LRP1B: variants seen among roughly 807,000 people sequenced by gnomAD.
LRP1B encodes low-density lipoprotein receptor-related protein 1B.
In LRP1B, 217 loss-of-function variants were observed where a neutral mutation model predicts 556.6. The ratio of observed to expected loss-of-function variants is 0.39; its 90% CI spans 0.35 to 0.44. The LOEUF (loss-of-function observed/expected upper bound fraction) is 0.44. LRP1B is among the 20% of genes least tolerant of loss of function. LRP1B has a pLI of 1.00. For missense variants in LRP1B, 5,053 were observed against 5,620.8 expected, an observed-to-expected ratio of 0.90 and a Z score of 3.23; for synonymous variants, 2,047 against 1,865.8, an observed-to-expected ratio of 1.10 and a Z score of -2.50.
At chr2:140,954,853 T>C (rs545749646) in intron 18 of LRP1B, among the ~76,000 whole-genome samples, 1 of 151,988 alleles carries the variant, frequency 6.6e-6, no homozygotes, top group South Asian at 2.1e-4. Flanking sequence ...ATAGTCCAAC[T>C]TAGCTTATGG....
chr2:140,260,691 C>T (rs892357893), intron 86 of LRP1B, among the ~76,000 whole-genome samples: 3 of 151,678 alleles, frequency 2.0e-5, no homozygotes, highest in Admixed American at 6.6e-5. Context: ...ATGGCCCATT[C>T]CCACATTTAC....
intron 2 of LRP1B, among the ~76,000 whole-genome samples, chr2:141,732,953 T>G (rs1175800397): frequency 1.3e-5 from 2 of 152,062 alleles, no homozygotes. Flanking sequence ...ACTGATCACA[T>G]ACTATTCAAA....
At chr2:141,230,667 T>A (rs1683426291) in intron 5 of LRP1B, among the ~76,000 whole-genome samples, 1 of 152,208 alleles carries the variant, frequency 6.6e-6, no homozygotes, top group African/African-American at 2.4e-5. Context: ...CACACTGCAC[T>A]TCTTACTGTT....
intron 59 of LRP1B, 139 bp from the exon 60 acceptor site, chr2:140,475,476 T>TCCCAGCAC: frequency 1.8e-6 from 1 of 552,890 alleles, no homozygotes; most frequent in Non-Finnish European, 3.1e-6. Flanking sequence ...GAAACATCCT[T>TCCCAGCAC]TGATGCAAAA....
At position 141,639,424 on chromosome 2, in the gene LRP1B, T is replaced by TATATA. The variant is rs1335629124; in HGVS notation, c.206-158892_206-158891insTATAT. Among the ~76,000 whole-genome samples the TATATA allele has an allele frequency of 6.7e-5, 8 of 120,086 alleles. 1 individual carries two copies. Among genetic ancestry groups the TATATA allele is most frequent in the Non-Finnish European group, 6.9e-5 (4 of 58,138 alleles). 78.8% of individuals were successfully genotyped at this position (120,086 alleles called of 152,430 possible). A position where few individuals can be genotyped will look rare whatever the true frequency, so the allele number is the denominator to read the frequency against. On this transcript the variant is annotated intron_variant, in intron 2 of 90. Coordinates refer to ENST00000389484, the MANE Select transcript of LRP1B (RefSeq NM_018557.3). ...TATATATGTGTATATATATATATAT[T>TATATA]TTTTTTTGAGACAGAGTCTCACTCT...
At chr2:141,140,869 T>C (rs535304580) in intron 7 of LRP1B, among the ~76,000 whole-genome samples, 1 of 152,114 alleles carries the variant, frequency 6.6e-6, no homozygotes, top group Non-Finnish European at 1.5e-5. Flanking sequence ...ATATATAATA[T>C]ACATAATTAT....
chr2:141,734,356 A>T (rs1403767214), intron 2 of LRP1B, among the ~76,000 whole-genome samples: 2 of 152,114 alleles, frequency 1.3e-5, no homozygotes, highest in African/African-American at 4.8e-5. Context: ...CAGATTCATG[A>T]TTCTGTAATT....
At chr2:140,747,309 C>G (rs893832003) in intron 35 of LRP1B, among the ~76,000 whole-genome samples, 2 of 152,172 alleles carry the variant, frequency 1.3e-5, no homozygotes, top group Non-Finnish European at 2.9e-5. Flanking sequence ...ACAGCTAGGT[C>G]TGGAACAGTT....
chr2:141,021,997 C>G (rs563062823), intron 11 of LRP1B, among the ~76,000 whole-genome samples: 4 of 151,852 alleles, frequency 2.6e-5, no homozygotes, highest in East Asian at 1.9e-4. Context: ...AAGGGTACTA[C>G]TTGATAGGAT....
intron 3 of LRP1B, among the ~76,000 whole-genome samples, chr2:141,375,664 C>T (rs868465751): frequency 6.6e-6 from 1 of 152,152 alleles, no homozygotes; most frequent in Middle Eastern, 3.2e-3. Flanking sequence ...CAAACTTAGC[C>T]TGAGGGAAGG....
intron 20 of LRP1B, among the ~76,000 whole-genome samples, chr2:140,925,943 T>C (rs1055143708): frequency 6.6e-6 from 1 of 152,166 alleles, no homozygotes; most frequent in Non-Finnish European, 1.5e-5. Context: ...CTTTGTTTGC[T>C]ATTGTTTATT....
intron 37 of LRP1B, among the ~76,000 whole-genome samples, chr2:140,706,907 A>C (rs936984692): frequency 6.6e-6 from 1 of 152,102 alleles, no homozygotes; most frequent in African/African-American, 2.4e-5. Context: ...CCCATGAATA[A>C]ATTTGAGACA....
chr2:140,704,499 A>G (rs1686756891), intron 37 of LRP1B, among the ~76,000 whole-genome samples: 1 of 152,116 alleles, frequency 6.6e-6, no homozygotes, highest in African/African-American at 2.4e-5. Flanking sequence ...AAATCCAACT[A>G]ATATTTTATT....
intron 35 of LRP1B, among the ~76,000 whole-genome samples, chr2:140,757,826 A>T (rs1010741799): frequency 2.6e-5 from 4 of 152,190 alleles, no homozygotes; most frequent in African/African-American, 9.6e-5. Context: ...GGTTGCAGTG[A>T]GCAGAGATCA....
At position 140,417,309 on chromosome 2, in the gene LRP1B, T is replaced by C. The variant is rs1046223479; in HGVS notation, c.10414+25195A>G. Among the ~76,000 whole-genome samples the C allele has an allele frequency of 2.0e-5, 3 of 152,216 alleles. No individual in the cohort carries two copies. In the South Asian group the frequency reaches 6.2e-4, roughly 31 times the overall value. On this transcript the variant is annotated intron_variant, in intron 66 of 90. Transcript: ENST00000389484. ...AATCCTGCCTGCTACTATGGATGTTTGCTGTGAACTTTTAGAAAAGGCTGC... is the reference window on the plus strand; with the variant it reads ...AATCCTGCCTGCTACTATGGATGTTCGCTGTGAACTTTTAGAAAAGGCTGC...
chr2:140,817,797 A>G (rs1691177645), intron 31 of LRP1B, among the ~76,000 whole-genome samples: 1 of 128,956 alleles, frequency 7.8e-6, no homozygotes, highest in South Asian at 2.9e-4. Flanking sequence ...AAAAGTATAA[A>G]AAAGGAATTT....
chr2:140,312,122 C>T (rs1277017635), intron 83 of LRP1B, among the ~76,000 whole-genome samples: 1 of 151,936 alleles, frequency 6.6e-6, no homozygotes, highest in Non-Finnish European at 1.5e-5. Context: ...GAGAGAGCTA[C>T]AATGACAGCT....
At chr2:141,804,915 T>G (rs1384215725) in intron 2 of LRP1B, among the ~76,000 whole-genome samples, 2 of 152,090 alleles carry the variant, frequency 1.3e-5, no homozygotes, top group African/African-American at 4.8e-5. Flanking sequence ...TCATGCACTG[T>G]GCATACCATC....
chr2:140,666,035 C>A (rs80058979), intron 41 of LRP1B, among the ~76,000 whole-genome samples: 15,681 of 150,998 alleles, frequency 0.1, 963 homozygotes, highest in East Asian at 0.25. Context: ...ACTCTGTTGC[C>A]CAAGCTAGAG....
Sources: allele counts gnomAD v4.1 joint callset (sites outside exome capture counted in the v4.1 genomes callset), GRCh38; gene constraint gnomAD v4.1.1; transcripts MANE v1.5; gene names NCBI Gene and HGNC (gene_info 2026-07-23, HGNC 2026-07-21).